The following LARS1 variants were observed in gnomAD, a reference collection of about 807,000 sequenced individuals.
The protein encoded by LARS1 is leucyl-tRNA synthetase 1.
LARS1 carries 100 observed loss-of-function variants against 162.8 expected under a neutral mutation model. The observed-to-expected ratio is 0.61, with a 90% CI of 0.52 to 0.73. The LOEUF (loss-of-function observed/expected upper bound fraction) is 0.73. LARS1 is among the 30% of genes least tolerant of loss of function. LARS1 has a pLI of 0.00. For missense variants in LARS1, 1,258 were observed against 1,408.9 expected (o/e 0.89, Z 1.71); for synonymous variants, 457 against 462.8 (o/e 0.99, Z 0.16).
chr5:146,165,055 G>T (rs1753940773), intron 5 of LARS1, among the ~76,000 whole-genome samples: 1 of 152,144 alleles, frequency 6.6e-6, no homozygotes, highest in Admixed American at 6.6e-5. Context: ...GAAATTTTGG[G>T]CCTGGCACAG....
At position 146,177,636 on chromosome 5, in the gene LARS1, A is replaced by G; in HGVS notation, c.36T>C (p.Phe12=). Residue 12 remains phenylalanine, a synonymous_variant, in exon 2 of 32, where the codon TTT becomes TTC. Transcript: ENST00000394434. The part of the protein sequence containing the change: ...AERKGTAKVD[F]LKKIEKEIQQ... Reference sequence around the variant, plus strand: ...GGATTTCTTTCTCAATCTTCTTCAAAAAGTCCACTTTGGCTGTTCCTTTTC... The same window carrying G: ...GGATTTCTTTCTCAATCTTCTTCAAGAAGTCCACTTTGGCTGTTCCTTTTC... 1 of 1,605,816 alleles carries G rather than the reference A, an allele frequency of 6.2e-7. No homozygotes were observed. The highest frequency in any genetic ancestry group is 1.1e-5 in the South Asian group (1 of 90,826).
intron 14 of LARS1, among the ~76,000 whole-genome samples, chr5:146,151,077 T>C (rs1484867942): frequency 6.6e-6 from 1 of 152,156 alleles, no homozygotes; most frequent in African/African-American, 2.4e-5. Context: ...TAATAATCTC[T>C]TTGTGCCTCC....
chr5:146,119,254 T>C (rs1463643964), intron 31 of LARS1, among the ~76,000 whole-genome samples: 1 of 152,140 alleles, frequency 6.6e-6, no homozygotes, highest in Non-Finnish European at 1.5e-5. Context: ...CCCCAGTACA[T>C]ACAAAGGAGT....
At chr5:146,181,526 C>A (rs1754840611) in intron 1 of LARS1, among the ~76,000 whole-genome samples, 1 of 151,912 alleles carries the variant, frequency 6.6e-6, no homozygotes, top group Admixed American at 6.6e-5. Flanking sequence ...TAATGGAGCA[C>A]GCTTGCAGTA....
intron 15 of LARS1, among the ~76,000 whole-genome samples, chr5:146,146,728 G>A (rs976828228): frequency 1.3e-5 from 2 of 149,806 alleles, no homozygotes; most frequent in African/African-American, 4.9e-5. Context: ...AGACTTTTTT[G>A]TTTGTTGTGA....
intron 2 of LARS1, among the ~76,000 whole-genome samples, chr5:146,176,325 G>GGGTA (rs1754570227): frequency 6.6e-6 from 1 of 151,764 alleles, no homozygotes; most frequent in Non-Finnish European, 1.5e-5. Flanking sequence ...GGTGGCACAT[G>GGGTA]CCTGTAATCC....
Position 146,182,619 on chromosome 5 carries a change from C to T in LARS1, c.-126G>A. 4.7e-6 allele frequency: 6 copies of T among 1,275,752 alleles called. No individual in the cohort carries two copies. Among genetic ancestry groups the T allele is most frequent in the South Asian group, 3.6e-5 (3 of 83,514 alleles). The allele number at this position is 1,275,752 out of a possible 1,614,324, so 79.0% of individuals were successfully genotyped here. A position where few individuals can be genotyped will look rare whatever the true frequency, so the allele number is the denominator to read the frequency against. Reference sequence around the variant, plus strand: ...CCACGAAACTAAAGCACACGCTTCACACCTGCTGAGGCAATCATCCGGCTC... The same window carrying T: ...CCACGAAACTAAAGCACACGCTTCATACCTGCTGAGGCAATCATCCGGCTC... On this transcript the variant is annotated 5_prime_UTR_variant, in exon 1 of 32. In the 5' UTR this introduces an upstream ATG that the reference lacks. Coordinates refer to ENST00000394434, the MANE Select transcript of LARS1 (RefSeq NM_020117.11).
At chr5:146,145,374 C>T (rs1205470979) in intron 15 of LARS1, among the ~76,000 whole-genome samples, 4 of 152,080 alleles carry the variant, frequency 2.6e-5, no homozygotes, top group South Asian at 4.2e-4. Context: ...AGCCACTGTG[C>T]ACAGCCCTAT....
intron 1 of LARS1, among the ~76,000 whole-genome samples, chr5:146,181,520 G>A (rs1754840102): frequency 6.6e-6 from 1 of 152,052 alleles, no homozygotes; most frequent in South Asian, 2.1e-4. Context: ...AGGGTGTAAT[G>A]GAGCACGCTT....
chr5:146,123,968 C>A lies in LARS1; in HGVS notation c.3096+14G>T, dbSNP rs771949463. The A allele has an allele frequency of 2.8e-6, 4 of 1,411,512 alleles. No homozygotes were observed. In the African/African-American group the frequency reaches 4.2e-5, roughly 15 times the overall value. 87.4% of individuals were successfully genotyped at this position (1,411,512 alleles called of 1,614,324 possible). A position where few individuals can be genotyped will look rare whatever the true frequency, so the allele number is the denominator to read the frequency against. On this transcript the variant is annotated intron_variant, in intron 29 of 31. Coordinates refer to ENST00000394434, the MANE Select transcript of LARS1 (RefSeq NM_020117.11). ...CTACAGTTAACTGGTTATTACAATC[C>A]CTGGCCCTCTTACCTCAAGCGAATT...
chr5:146,139,434 CTCTG>C (rs1373885435), intron 21 of LARS1, among the ~76,000 whole-genome samples: 2 of 151,732 alleles, frequency 1.3e-5, no homozygotes, highest in Admixed American at 1.3e-4. Flanking sequence ...CTGTCCCTGT[CTCTG>C]TCTCTCTTTT....
In LARS1 at chr5:146,164,443, G is replaced by A. The variant is rs1753912268; in HGVS notation, c.461C>T (p.Ser154Phe). 11 of 1,614,034 alleles carry A rather than the reference G, an allele frequency of 6.8e-6. No individual in the cohort carries two copies. The East Asian group carries it at 2.2e-4, about 33-fold the overall frequency. The change falls in exon 6 of 32, where the codon TCT becomes TTT. Residue 154 changes from serine to phenylalanine, a missense_variant. Transcript: ENST00000394434. ...KSKAAAKAGSSKYQWGIMKSL... is the reference protein window; with the variant it reads ...KSKAAAKAGSFKYQWGIMKSL... ...TTTCATAATGCCCCACTGGTATTTA[G>A]AAGATCCAGCTTTAGCAGCAGCTTT... is the stretch of plus-strand genomic sequence containing the variant.
chr5:146,164,251 G>A, intron 6 of LARS1, 59 bp downstream of exon 6: 1 of 1,437,540 alleles, frequency 7.0e-7, no homozygotes, highest in East Asian at 2.3e-5. Context: ...ATAAAGCAAA[G>A]CACAATAAAA....
chr5:146,172,109 A>G (rs1195995367), intron 3 of LARS1, 119 bp from the exon 4 acceptor site: 2 of 861,588 alleles, frequency 2.3e-6, no homozygotes, highest in Non-Finnish European at 3.7e-6. Context: ...AATGCCAGTT[A>G]GATTTTAGGC....
intron 12 of LARS1, 114 bp downstream of exon 12, chr5:146,153,620 A>G: frequency 1.4e-6 from 1 of 720,516 alleles, no homozygotes; most frequent in Non-Finnish European, 2.4e-6. Flanking sequence ...AGTTAGAGAT[A>G]GCAGTTTAAA....
chr5:146,182,519 T>G lies in LARS1; in HGVS notation c.-26A>C. 1 of 1,613,820 alleles carries G rather than the reference T, an allele frequency of 6.2e-7. No individual in the cohort carries two copies. Among genetic ancestry groups the G allele is most frequent in the Non-Finnish European group, 8.5e-7 (1 of 1,179,890 alleles). On this transcript the variant is annotated 5_prime_UTR_variant, in exon 1 of 32. Coordinates refer to ENST00000394434, the MANE Select transcript of LARS1 (RefSeq NM_020117.11). ...TGCACCGCCCAGCCGACTGTGCAAA[T>G]CCACGACAATGACCCTGGCGACCTC...
At chr5:146,150,743 G>A (rs1312755438) in intron 14 of LARS1, among the ~76,000 whole-genome samples, 2 of 151,722 alleles carry the variant, frequency 1.3e-5, no homozygotes, top group East Asian at 3.9e-4. Flanking sequence ...TTCGAGACCA[G>A]TCTGACCAAT....
At chr5:146,166,314 G>A (rs1230443668) in intron 5 of LARS1, among the ~76,000 whole-genome samples, 8 of 152,084 alleles carry the variant, frequency 5.3e-5, no homozygotes. Flanking sequence ...ACTCCCAATG[G>A]CCACAGCTAG....
Position 146,164,389 on chromosome 5 carries a change from A to G in LARS1, c.515T>C (p.Val172Ala), listed in dbSNP as rs1753909768. The change falls in exon 6 of 32, where the codon GTA becomes GCA. Residue 172 changes from valine (V) to alanine (A), a missense_variant. Val to Ala is a moderately conservative substitution (Grantham distance 64, BLOSUM62 0). Coordinates refer to ENST00000394434, the MANE Select transcript of LARS1 (RefSeq NM_020117.11). ...CCAATGTTCTGCTTCAGAAAATTTTACTATCTCTTCATCAGACAGGCCAAG... is the reference window on the plus strand; with the variant it reads ...CCAATGTTCTGCTTCAGAAAATTTTGCTATCTCTTCATCAGACAGGCCAAG... The part of the protein sequence containing the change: ...KSLGLSDEEI[V>A]KFSEAEHWLD... The G allele has an allele frequency of 2.9e-5, 46 of 1,613,956 alleles. No individual in the cohort carries two copies. Among genetic ancestry groups the G allele is most frequent in the Non-Finnish European group, 3.8e-5 (45 of 1,179,942 alleles).
Sources: gnomAD v4.1 joint callset for allele counts (sites outside exome capture counted in the v4.1 genomes callset) on GRCh38, gnomAD v4.1.1 for gene constraint, MANE v1.5 for transcripts, NCBI Gene and HGNC (gene_info 2026-07-23, HGNC 2026-07-21) for gene names.